Variants in ZNF775 observed in about 807,000 individuals in gnomAD.
The protein encoded by ZNF775 is zinc finger protein 775.
A neutral mutation model predicts 2.4 loss-of-function variants in ZNF775; 1 was observed. The ratio of observed to expected loss-of-function variants is 0.41; its 90% CI spans 0.15 to 1.94. The LOEUF is 1.94. Ranked by LOEUF, ZNF775 falls within the 30% of genes most tolerant of loss-of-function variation. The probability of loss-of-function intolerance (pLI) is 0.30; values close to 1 mark genes in which losing one functional copy is unlikely to be tolerated. For missense variants in ZNF775, 823 were observed against 826.6 expected, an observed-to-expected ratio of 1.00 and a Z score of 0.05; for synonymous variants, 381 against 373.3, an observed-to-expected ratio of 1.02 and a Z score of -0.24.
intron 1 of ZNF775, among the ~76,000 whole-genome samples, chr7:150,386,740 T>G (rs1800461122): frequency 6.6e-6 from 1 of 152,138 alleles, no homozygotes. Context: ...ATCCCTGTCC[T>G]TAGGAGAGGT....
chr7:150,383,671 C>G (rs1053068693), intron 1 of ZNF775: 1 of 152,402 alleles, frequency 6.6e-6, no homozygotes, highest in African/African-American at 2.4e-5. Flanking sequence ...TGAGGACCTG[C>G]TGGGACCTCA....
intron 2 of ZNF775, among the ~76,000 whole-genome samples, chr7:150,390,141 G>A (rs1800536596): frequency 6.6e-6 from 1 of 152,056 alleles, no homozygotes; most frequent in East Asian, 1.9e-4. Flanking sequence ...CATGATGACT[G>A]AGGAGCGGTG....
intron 2 of ZNF775, among the ~76,000 whole-genome samples, chr7:150,391,469 T>C (rs1239883195): frequency 6.6e-6 from 1 of 152,078 alleles, no homozygotes; most frequent in Non-Finnish European, 1.5e-5. Context: ...GATCGCGCCA[T>C]TGCATTCCAG....
Position 150,382,369 on chromosome 7 carries a change from C to G in ZNF775, c.-50+2977C>G, listed in dbSNP as rs937373849. 1.3e-5 allele frequency among the ~76,000 whole-genome samples: 2 copies of G among 152,152 alleles called. No homozygotes were observed. The highest frequency in any genetic ancestry group is 2.9e-5 in the Non-Finnish European group (2 of 68,022). ...AGGTATTTCCGTTCACCTGCGCCTT[C>G]AAGAACCTGAGCTCAAAGCGCTGCA... On this transcript the variant is annotated intron_variant, in intron 1 of 2. Coordinates refer to ENST00000329630, the MANE Select transcript of ZNF775 (RefSeq NM_173680.4). This position sits in a 1 kb window ranked among gnomAD's most constrained non-coding sequence, Gnocchi z 4.6.
chr7:150,396,882 C>T lies in ZNF775; in HGVS notation c.401C>T (p.Pro134Leu). The change falls in exon 3 of 3, where the codon CCG (proline) becomes CTG (leucine). Residue 134 changes from proline (P) to leucine (L), a missense_variant. Pro to Leu is a moderately conservative substitution (Grantham distance 98, BLOSUM62 -3). Coordinates refer to ENST00000329630, the MANE Select transcript of ZNF775 (RefSeq NM_173680.4). ...CAGCGCACCCACACCGGGGAGAAGC[C>T]GTACCTCTGCGGCAAGTGCGGCAAG... ...IHQRTHTGEK[P>L]YLCGKCGKSF... 1 of 1,602,702 alleles carries T rather than the reference C, an allele frequency of 6.2e-7. No individual in the cohort carries two copies. Among genetic ancestry groups the T allele is most frequent in the Non-Finnish European group, 8.5e-7 (1 of 1,179,722 alleles).
intron 1 of ZNF775, among the ~76,000 whole-genome samples, chr7:150,385,360 G>A (rs926827129): frequency 6.6e-6 from 1 of 152,224 alleles, no homozygotes; most frequent in African/African-American, 2.4e-5. Flanking sequence ...GAATGTGCAT[G>A]AAACCAGAAT....
In ZNF775 at chr7:150,397,758, G is replaced by C. The variant is rs750051003; in HGVS notation, c.1277G>C (p.Arg426Pro). 1 of 1,506,036 alleles carries C rather than the reference G, an allele frequency of 6.6e-7. No homozygotes were observed. The highest frequency in any genetic ancestry group is 8.8e-7 in the Non-Finnish European group (1 of 1,131,960). The allele number at this position is 1,506,036 out of a possible 1,614,324, so 93.3% of individuals were successfully genotyped here. A position where few individuals can be genotyped will look rare whatever the true frequency, so the allele number is the denominator to read the frequency against. Residue 426 changes from arginine to proline, a missense_variant, in exon 3 of 3, where the codon CGG (arginine) becomes CCG (proline). By Grantham distance (103) the Arg-to-Pro change is moderately radical. Coordinates refer to ENST00000329630, the MANE Select transcript of ZNF775 (RefSeq NM_173680.4). ...AGCTCCCAACGGTCCCCGGGGGCCCGGGACACGCTGTGGGGCCGGGGACAA... is the reference window on the plus strand; with the variant it reads ...AGCTCCCAACGGTCCCCGGGGGCCCCGGACACGCTGTGGGGCCGGGGACAA... ...PRSSQRSPGA[R>P]DTLWGRGQAG...
In ZNF775 at chr7:150,396,507, T is replaced by A; in HGVS notation, c.32-6T>A. The A allele has an allele frequency of 6.3e-7, 1 of 1,583,430 alleles. No individual in the cohort carries two copies. Among genetic ancestry groups the A allele is most frequent in the Non-Finnish European group, 8.6e-7 (1 of 1,168,306 alleles). On this transcript the variant is annotated splice_region_variant and splice_polypyrimidine_tract_variant and intron_variant, in intron 2 of 2. Coordinates refer to ENST00000329630, the MANE Select transcript of ZNF775 (RefSeq NM_173680.4). ...CTCCCTCCTCTCTCCCGCTTGCCTC[T>A]GGCAGGAGCTGGGCTGGTGATGAAG...
At chr7:150,385,845 C>A (rs1368743066) in intron 1 of ZNF775, among the ~76,000 whole-genome samples, 3 of 152,154 alleles carry the variant, frequency 2.0e-5, no homozygotes, top group Non-Finnish European at 4.4e-5. Flanking sequence ...GGCTCCTACC[C>A]TCCCATGGAG....
intron 1 of ZNF775, among the ~76,000 whole-genome samples, chr7:150,381,546 G>A (rs1001737832): frequency 1.1e-4 from 14 of 132,300 alleles, no homozygotes; most frequent in African/African-American, 2.8e-4. Context: ...TTTGCGTCCC[G>A]CCATCCCCAC....
Position 150,398,228 on chromosome 7 carries a change from A to G in ZNF775, c.*133A>G. 3 of 1,379,642 alleles carry G rather than the reference A, an allele frequency of 2.2e-6. No homozygotes were observed. Among genetic ancestry groups the G allele is most frequent in the Admixed American group, 2.7e-5 (1 of 37,164 alleles). The allele number at this position is 1,379,642 out of a possible 1,614,324, so 85.5% of individuals were successfully genotyped here. ...ACCGGTGGATTCCTTAAGGCTCTGA[A>G]GGGCTGAGAACAGTTCTAGAAGCGT... is the stretch of plus-strand genomic sequence containing the variant. On this transcript the variant is annotated 3_prime_UTR_variant, in exon 3 of 3. Coordinates refer to ENST00000329630, the MANE Select transcript of ZNF775 (RefSeq NM_173680.4).
Position 150,388,482 on chromosome 7 carries a change from C to T in ZNF775, c.12C>T (p.Gly4=), listed in dbSNP as rs1445606407. 7 of 1,551,840 alleles carry T rather than the reference C, an allele frequency of 4.5e-6. No homozygotes were observed. The highest frequency in any genetic ancestry group is 6.1e-6 in the Non-Finnish European group (7 of 1,147,078). Residue 4 remains glycine, a synonymous_variant, in exon 2 of 3, where the codon GGC becomes GGT. Coordinates refer to ENST00000329630, the MANE Select transcript of ZNF775 (RefSeq NM_173680.4). MES[G]LAGNGTGAGL... is the part of the protein sequence containing the mutation. ...GGAGGCCTCCAGGGATGGAGAGTGGCCTGGCTGGCAACGGCACAGGTAAGA... is the reference window on the plus strand; with the variant it reads ...GGAGGCCTCCAGGGATGGAGAGTGGTCTGGCTGGCAACGGCACAGGTAAGA...
At chr7:150,396,250 T>C (rs1800648950) in intron 2 of ZNF775, among the ~76,000 whole-genome samples, 1 of 152,110 alleles carries the variant, frequency 6.6e-6, no homozygotes, top group Non-Finnish European at 1.5e-5. Context: ...ACGGTTCCTT[T>C]CTTGTATTTT....
Position 150,396,811 on chromosome 7 carries a change from G to A in ZNF775, c.330G>A (p.Leu110=), listed in dbSNP as rs1469952888. 6.2e-7 allele frequency: 1 copy of A among 1,600,322 alleles called. No individual in the cohort carries two copies. The highest frequency in any genetic ancestry group is 8.5e-7 in the Non-Finnish European group (1 of 1,176,690). Residue 110 remains leucine (L), a synonymous_variant, in exon 3 of 3, where the codon CTG becomes CTA. Coordinates refer to ENST00000329630, the MANE Select transcript of ZNF775 (RefSeq NM_173680.4). ...CCGGCGAGGGTCACTTTGTATGCCT[G>A]GACTGCGGGAAGAGGTTCAGCTGGT... ...LSSGEGHFVC[L]DCGKRFSWWS...
intron 1 of ZNF775, among the ~76,000 whole-genome samples, chr7:150,386,056 T>C (rs1800447285): frequency 6.6e-6 from 1 of 152,096 alleles, no homozygotes; most frequent in Admixed American, 6.6e-5. Context: ...CTGTCTCAGC[T>C]TCCCGAGTAG....
At chr7:150,391,077 G>A (rs1009800471) in intron 2 of ZNF775, among the ~76,000 whole-genome samples, 9 of 152,138 alleles carry the variant, frequency 5.9e-5, no homozygotes, top group Non-Finnish European at 1.2e-4. Flanking sequence ...TTTTTATCAC[G>A]TATAGGAGTC....
chr7:150,385,992 C>G (rs1585084559), intron 1 of ZNF775, among the ~76,000 whole-genome samples: 1 of 152,172 alleles, frequency 6.6e-6, no homozygotes, highest in East Asian at 1.9e-4. Context: ...GAGTCTCACT[C>G]TGTCACAATC....
In ZNF775 at chr7:150,396,945, G is replaced by A. The variant is rs1800673870; in HGVS notation, c.464G>A (p.Arg155Gln). The change falls in exon 3 of 3, where the codon CGG becomes CAG. Residue 155 changes from arginine to glutamine, a missense_variant. Transcript: ENST00000329630. ...SQKPNLARHQ[R>Q]HHTGERPFCC... ...AAGCCGAACCTGGCGCGCCACCAGC[G>A]GCACCACACGGGCGAGCGACCCTTC... 2 of 1,601,014 alleles carry A rather than the reference G, an allele frequency of 1.2e-6. No homozygotes were observed. Among genetic ancestry groups the A allele is most frequent in the African/African-American group, 1.3e-5 (1 of 75,008 alleles).
rs147216850 is a variant in ZNF775, at chr7:150,391,182, A to G, written c.31+2681A>G. On this transcript the variant is annotated intron_variant, in intron 2 of 2. Transcript: ENST00000329630. Reference sequence around the variant, plus strand: ...TGTCCAGCACGTGGCCTAGCCACATAGGACTCTTCTAGTTTAAGTTTAGGT... The same window carrying G: ...TGTCCAGCACGTGGCCTAGCCACATGGGACTCTTCTAGTTTAAGTTTAGGT... 6.5e-3 allele frequency among the ~76,000 whole-genome samples: 985 copies of G among 152,350 alleles called. 4 individuals carry two copies. Among genetic ancestry groups the G allele is most frequent in the Non-Finnish European group, 0.011 (723 of 68,032 alleles).
Sources: gnomAD v4.1 joint callset for allele counts (sites outside exome capture counted in the v4.1 genomes callset) on GRCh38, gnomAD v4.1.1 for gene constraint, Gnocchi (gnomAD v3.1) non-coding constraint, MANE v1.5 for transcripts, NCBI Gene and HGNC (gene_info 2026-07-23, HGNC 2026-07-21) for gene names.